Variants in IL16 observed in about 807,000 individuals in gnomAD.
IL16 encodes the protein pro-interleukin-16.
In IL16, 67 loss-of-function variants were observed where a neutral mutation model predicts 110.1. The ratio of observed to expected loss-of-function variants is 0.61; its 90% CI spans 0.50 to 0.75. The LOEUF (loss-of-function observed/expected upper bound fraction) is 0.75. IL16 is among the 30% of genes least tolerant of loss of function. The pLI is 0.00. For synonymous variants in IL16, 689 were observed against 662.9 expected, an observed-to-expected ratio of 1.04 and a Z score of -0.61; for missense variants, 1,545 against 1,655.0, an observed-to-expected ratio of 0.93 and a Z score of 1.15.
At chr15:81,208,973 T>C (rs1052897196) in intron 1 of IL16, among the ~76,000 whole-genome samples, 5 of 152,222 alleles carry the variant, frequency 3.3e-5, no homozygotes, top group African/African-American at 9.6e-5. Flanking sequence ...TAGGTACTTA[T>C]ATGAGAAAAT....
intron 8 of IL16, among the ~76,000 whole-genome samples, chr15:81,281,921 A>T (rs1045876846): frequency 3.3e-5 from 5 of 152,100 alleles, no homozygotes; most frequent in African/African-American, 1.2e-4. Flanking sequence ...ATTCTCCATG[A>T]CCCATAGTTC....
upstream of IL16, among the ~76,000 whole-genome samples, chr15:81,195,879 G>GT (rs577866998): frequency 8.7e-4 from 132 of 152,290 alleles, no homozygotes; most frequent in Admixed American, 1.7e-3. Context: ...AAGGGGCTAC[G>GT]TGGGGGAAAG....
rs766056918 is a variant in IL16, at chr15:81,273,142, G to C, written c.728G>C (p.Gly243Ala). The part of the protein sequence containing the change: ...GGKDSIYGPI[G>A]IYVKTIFAGG... ...AAAGACAGCATTTATGGCCCCATTG[G>C]GATTTACGTCAAAACCATTTTTGCA... Residue 243 changes from glycine to alanine, a missense_variant, in exon 6 of 19, where the codon GGG becomes GCG. Coordinates refer to ENST00000683961, the MANE Select transcript of IL16 (RefSeq NM_172217.5). 2 of 1,613,792 alleles carry C rather than the reference G, an allele frequency of 1.2e-6. No individual in the cohort carries two copies. Among genetic ancestry groups the C allele is most frequent in the Non-Finnish European group, 1.7e-6 (2 of 1,179,844 alleles).
intron 8 of IL16, among the ~76,000 whole-genome samples, chr15:81,280,192 A>G (rs1265338906): frequency 6.6e-6 from 1 of 152,146 alleles, no homozygotes; most frequent in Non-Finnish European, 1.5e-5. Context: ...TCAGGAACAG[A>G]CAGCCATTCC....
At chr15:81,253,256 CTCTTGTATATCATTTGAAAAAA>C (rs1348178286) in intron 2 of IL16, among the ~76,000 whole-genome samples, 1 of 152,040 alleles carries the variant, frequency 6.6e-6, no homozygotes, top group African/African-American at 2.4e-5. Flanking sequence ...TGCTTCTAGT[CTCTTGTATATCATTTGAAAAAA>C]TGTCTATTCA....
At chr15:81,217,958 T>A (rs1011064703) in intron 1 of IL16, among the ~76,000 whole-genome samples, 4 of 152,192 alleles carry the variant, frequency 2.6e-5, no homozygotes, top group African/African-American at 9.6e-5. Flanking sequence ...TTTCCATTAA[T>A]GTCTGGAAAG....
chr15:81,272,288 C>G (rs1284170602), intron 5 of IL16, among the ~76,000 whole-genome samples: 1 of 152,232 alleles, frequency 6.6e-6, no homozygotes. Flanking sequence ...GTCTGCCAGG[C>G]CATTCTGTGA....
chr15:81,213,377 G>C (rs1457776776), intron 1 of IL16, among the ~76,000 whole-genome samples: 1 of 152,118 alleles, frequency 6.6e-6, no homozygotes, highest in African/African-American at 2.4e-5. Flanking sequence ...ATTGTTGTGT[G>C]GAGTTCTATA....
chr15:81,296,152 G>A (rs1899972703), intron 12 of IL16, among the ~76,000 whole-genome samples: 2 of 152,172 alleles, frequency 1.3e-5, no homozygotes, highest in African/African-American at 4.8e-5. Context: ...CAGACAGAAA[G>A]TACTTCTCTA....
chr15:81,294,066 G>A (rs1168861108), intron 12 of IL16, among the ~76,000 whole-genome samples: 2 of 152,204 alleles, frequency 1.3e-5, no homozygotes, highest in Admixed American at 6.5e-5. Flanking sequence ...CACACCGTGG[G>A]CAGGTGGGAG....
intron 2 of IL16, among the ~76,000 whole-genome samples, chr15:81,258,730 G>GCTCTCTCT (rs145587698): frequency 0.02 from 2,975 of 147,736 alleles, 62 homozygotes; most frequent in African/African-American, 0.059. Context: ...TCGCGCACGC[G>GCTCTCTCT]CTCTCTCTCT....
At chr15:81,253,013 T>C (rs1038727640) in intron 2 of IL16, among the ~76,000 whole-genome samples, 4 of 152,192 alleles carry the variant, frequency 2.6e-5, no homozygotes, top group African/African-American at 7.2e-5. Flanking sequence ...TGCTGCATCA[T>C]ATGGTAACTC....
chr15:81,231,889 A>T lies in IL16; in HGVS notation c.312+6178A>T, dbSNP rs116252157. 3.7e-3 allele frequency among the ~76,000 whole-genome samples: 560 copies of T among 152,230 alleles called. 5 individuals carry two copies. Among genetic ancestry groups the T allele is most frequent in the African/African-American group, 0.012 (517 of 41,556 alleles). On this transcript the variant is annotated intron_variant, in intron 2 of 18. Transcript: ENST00000683961. ...GCATAGCAGTGTCATCTCTCTTATA[A>T]GTCAAGGATCACATATGTATAGGTC...
At chr15:81,286,456 G>A (rs1483653552) in intron 10 of IL16, among the ~76,000 whole-genome samples, 1 of 152,170 alleles carries the variant, frequency 6.6e-6, no homozygotes, top group Admixed American at 6.5e-5. Context: ...GGGTTCTGTG[G>A]GGCTGGAATG....
intron 1 of IL16, among the ~76,000 whole-genome samples, chr15:81,197,991 TC>T (rs555072409): frequency 2.0e-5 from 3 of 152,016 alleles, no homozygotes; most frequent in Non-Finnish European, 2.9e-5. Context: ...TTCTCCAGTT[TC>T]CCCCGGAAGG....
rs776766083 is a variant in IL16 at position 81,301,359 on chromosome 15, A to G, written c.3165A>G (p.Arg1055=). 5.6e-6 allele frequency: 9 copies of G among 1,606,470 alleles called. No homozygotes were observed. The highest frequency in any genetic ancestry group is 5.1e-6 in the Non-Finnish European group (6 of 1,178,094). ...CTTATGAAAGCCTTTCAGAGCTGAG[A>G]GAATATACAGAGGGTCTCACGGAAG... ...TGFSLNLSEL[R]EYTEGLTEAK... is the part of the protein sequence containing the mutation. The change falls in exon 15 of 19, where the codon AGA becomes AGG. Residue 1055 remains arginine (R), a synonymous_variant. Transcript: ENST00000683961.
chr15:81,268,257 T>A (rs1471013334), intron 4 of IL16, among the ~76,000 whole-genome samples: 1 of 152,212 alleles, frequency 6.6e-6, no homozygotes. Context: ...CAGCTCGTTA[T>A]CCAGGGAATG....
At chr15:81,250,383 G>A (rs1249368583) in intron 2 of IL16, among the ~76,000 whole-genome samples, 1 of 152,098 alleles carries the variant, frequency 6.6e-6, no homozygotes, top group Non-Finnish European at 1.5e-5. Flanking sequence ...TCACCGTGTT[G>A]GTCAGGTTGT....
chr15:81,271,431 CCACTG>C (rs1366510087), intron 5 of IL16, among the ~76,000 whole-genome samples: 3 of 152,096 alleles, frequency 2.0e-5, no homozygotes, highest in African/African-American at 7.2e-5. Flanking sequence ...TGTGATAGAG[CCACTG>C]CACTCCAGTC....
Sources: allele counts gnomAD v4.1 joint callset (sites outside exome capture counted in the v4.1 genomes callset), GRCh38; gene constraint gnomAD v4.1.1; transcripts MANE v1.5; gene names NCBI Gene and HGNC (gene_info 2026-07-23, HGNC 2026-07-21).